Variants in KDM2A observed in about 807,000 individuals in gnomAD.
KDM2A encodes the protein lysine-specific demethylase 2A.
In KDM2A, 3 loss-of-function variants were observed where a neutral mutation model predicts 137.3. That is an observed-to-expected ratio of 0.02 (90% CI 0.01 to 0.06). KDM2A has a LOEUF of 0.06. Among genes scored for constraint, KDM2A ranks in the 10% least tolerant of loss-of-function variants. KDM2A has a pLI of 1.00. For synonymous variants in KDM2A, 512 were observed against 541.5 expected, an observed-to-expected ratio of 0.95 and a Z score of 0.76; for missense variants, 738 against 1,510.6, an observed-to-expected ratio of 0.49 and a Z score of 8.48.
Position 67,215,859 on chromosome 11 carries a change from C to T in KDM2A, c.597C>T (p.Tyr199=). 1 of 1,613,530 alleles carries T rather than the reference C, an allele frequency of 6.2e-7. No homozygotes were observed. The highest frequency in any genetic ancestry group is 8.5e-7 in the Non-Finnish European group (1 of 1,179,612). Residue 199 remains tyrosine (Y), a synonymous_variant, in exon 8 of 21, where the codon TAC becomes TAT. Coordinates refer to ENST00000529006, the MANE Select transcript of KDM2A (RefSeq NM_012308.3). ...LEMQYPKVQK[Y]CLMSVRGCYT... is the part of the protein sequence containing the mutation. ...GCTGCTGCTTTTTTTGGGTCAGGTA[C>T]TGTCTAATGAGTGTTCGAGGCTGCT...
Position 67,245,527 on chromosome 11 carries a change from G to C in KDM2A, c.1833+69G>C. 1 of 1,534,186 alleles carries C rather than the reference G, an allele frequency of 6.5e-7. No homozygotes were observed. Among genetic ancestry groups the C allele is most frequent in the Non-Finnish European group, 8.9e-7 (1 of 1,118,058 alleles). ...TGCCAAAGGAACTGAAATACATATA[G>C]TGTAGAGTTAAAGAGACTTCAGAGT... is the stretch of plus-strand genomic sequence containing the variant. On this transcript the variant is annotated intron_variant, in intron 14 of 20. Transcript: ENST00000529006. The surrounding 1 kb of genome is among the most constrained non-coding windows in gnomAD (Gnocchi z 4.1).
At chr11:67,230,541 G>A (rs1312044917) in intron 11 of KDM2A, among the ~76,000 whole-genome samples, 2 of 151,870 alleles carry the variant, frequency 1.3e-5, no homozygotes, top group Non-Finnish European at 2.9e-5. Flanking sequence ...TGGGAGGATT[G>A]CTTGAGCCCA....
intron 2 of KDM2A, chr11:67,143,088 C>A (rs1216754651): frequency 7.0e-6 from 1 of 142,848 alleles, no homozygotes; most frequent in Non-Finnish European, 1.5e-5. Context: ...ATGACATGAT[C>A]TCAGCTCACT....
chr11:67,156,617 G>A (rs547504180), intron 2 of KDM2A, among the ~76,000 whole-genome samples: 1 of 152,006 alleles, frequency 6.6e-6, no homozygotes, highest in East Asian at 1.9e-4. Context: ...TACTCAGGAG[G>A]CTGAGGCAGG....
chr11:67,218,665 C>G, intron 9 of KDM2A, among the ~76,000 whole-genome samples: 1 of 152,004 alleles, frequency 6.6e-6, no homozygotes, highest in East Asian at 1.9e-4. Flanking sequence ...AGTGCAGTAG[C>G]GTGATCTTGG....
intron 12 of KDM2A, among the ~76,000 whole-genome samples, chr11:67,238,016 C>A (rs1440075737): frequency 6.6e-6 from 1 of 151,956 alleles, no homozygotes; most frequent in African/African-American, 2.4e-5. Context: ...TGTAATAATT[C>A]ATACATTCTT....
Position 67,197,213 on chromosome 11 carries a change from AC to A in KDM2A, c.308-10294del, listed in dbSNP as rs1857504778. 2.0e-5 allele frequency: 3 copies of A among 150,430 alleles called. No individual in the cohort carries two copies. The South Asian group carries it at 6.3e-4, about 31-fold the overall frequency. The allele number at this position is 150,430 out of a possible 1,614,324, so 9.3% of individuals were successfully genotyped here. On this transcript the variant is annotated intron_variant, in intron 5 of 20. Coordinates refer to ENST00000529006, the MANE Select transcript of KDM2A (RefSeq NM_012308.3). ...TTTTGAGACAGGGTATTGCTTTGTCACCCAGGCTGGAGTGCAGTGGGGCAAT... is the reference window on the plus strand; with the variant it reads ...TTTTGAGACAGGGTATTGCTTTGTCACCAGGCTGGAGTGCAGTGGGGCAAT...
intron 2 of KDM2A, among the ~76,000 whole-genome samples, chr11:67,127,728 A>T (rs1219137429): frequency 6.6e-6 from 1 of 151,858 alleles, no homozygotes; most frequent in African/African-American, 2.4e-5. Flanking sequence ...TTATTTTGAG[A>T]TGGAGTTTTG....
intron 6 of KDM2A, among the ~76,000 whole-genome samples, chr11:67,211,613 CAAAA>C (rs377116306): frequency 8.0e-4 from 40 of 50,248 alleles, no homozygotes; most frequent in Non-Finnish European, 1.0e-3. Context: ...GACCCTGTCT[CAAAA>C]AAAAAAAAAA....
In KDM2A at chr11:67,199,331, CAA is replaced by C. The variant is rs377264894; in HGVS notation, c.308-8176_308-8175del. Among the ~76,000 whole-genome samples the C allele has an allele frequency of 3.7e-4, 56 of 152,200 alleles. No individual in the cohort carries two copies. In the East Asian group the frequency reaches 0.011, roughly 29 times the overall value. ...GAGTCCCACCTCTCTCACTTTAAAT[CAA>C]AAGTTAGAAATGATTAAGTTTAGTG... On this transcript the variant is annotated intron_variant, in intron 5 of 20. Transcript: ENST00000529006.
intron 17 of KDM2A, among the ~76,000 whole-genome samples, chr11:67,251,688 C>G (rs1859433201): frequency 6.6e-6 from 1 of 152,166 alleles, no homozygotes; most frequent in African/African-American, 2.4e-5. Flanking sequence ...CCAGGGGACT[C>G]TGATGCATGC....
chr11:67,204,123 G>A (rs1396142440), intron 5 of KDM2A, among the ~76,000 whole-genome samples: 1 of 152,088 alleles, frequency 6.6e-6, no homozygotes, highest in Admixed American at 6.6e-5. Context: ...TTGAAGGAAA[G>A]CATTTACTTG....
intron 11 of KDM2A, 55 bp from the exon 12 acceptor site, chr11:67,231,511 C>A: frequency 6.9e-7 from 1 of 1,454,598 alleles, no homozygotes; most frequent in Non-Finnish European, 9.2e-7. Context: ...ATTTCTCTTG[C>A]TGATCACATG....
intron 2 of KDM2A, among the ~76,000 whole-genome samples, chr11:67,130,486 G>A (rs937500871): frequency 2.6e-5 from 4 of 152,120 alleles, no homozygotes; most frequent in Non-Finnish European, 4.4e-5. Context: ...CTGTGCCTAG[G>A]TTTTGCTGAC....
chr11:67,169,047 C>T (rs1181136807), intron 2 of KDM2A, among the ~76,000 whole-genome samples: 5 of 150,186 alleles, frequency 3.3e-5, no homozygotes, highest in Middle Eastern at 3.5e-3. Flanking sequence ...CCTCTGCTGC[C>T]GGGGTTCAAG....
intron 2 of KDM2A, among the ~76,000 whole-genome samples, chr11:67,154,622 A>G (rs971584335): frequency 1.3e-5 from 2 of 151,194 alleles, no homozygotes; most frequent in East Asian, 2.0e-4. Context: ...TTTTTTAGGT[A>G]GAGATGGGGT....
chr11:67,157,611 G>A (rs529425689), intron 2 of KDM2A, among the ~76,000 whole-genome samples: 1 of 151,730 alleles, frequency 6.6e-6, no homozygotes, highest in Admixed American at 6.6e-5. Flanking sequence ...CAGACACAGT[G>A]GCACGCGCCT....
chr11:67,150,710 CTG>C lies in KDM2A; in HGVS notation c.42+29355_42+29356del, dbSNP rs769561402. Among the ~76,000 whole-genome samples, 17 of 152,162 alleles carry C rather than the reference CTG, an allele frequency of 1.1e-4. No homozygotes were observed. The South Asian group carries it at 2.7e-3, about 24-fold the overall frequency. On this transcript the variant is annotated intron_variant, in intron 2 of 20. Coordinates refer to ENST00000529006, the MANE Select transcript of KDM2A (RefSeq NM_012308.3). ...GGAATTAGAGGTGAGTTGGAGAAAA[CTG>C]TGGGAGAGAGGGTCAGCAGACAAGG...
intron 2 of KDM2A, among the ~76,000 whole-genome samples, chr11:67,171,626 G>GAA (rs1856884354): frequency 6.6e-6 from 1 of 152,166 alleles, no homozygotes; most frequent in Non-Finnish European, 1.5e-5. Flanking sequence ...GTTAGCTTGG[G>GAA]TCAGCTTTAC....
Sources: gnomAD v4.1 joint callset for allele counts (sites outside exome capture counted in the v4.1 genomes callset) on GRCh38, gnomAD v4.1.1 for gene constraint, Gnocchi (gnomAD v3.1) non-coding constraint, MANE v1.5 for transcripts, NCBI Gene and HGNC (gene_info 2026-07-23, HGNC 2026-07-21) for gene names.